The following NCKAP5 variants were observed in gnomAD, a reference collection of about 807,000 sequenced individuals.
NCKAP5 encodes NCK associated protein 5, also known as nck-associated protein 5.
Under a neutral mutation model 167.0 loss-of-function variants are expected in NCKAP5, and 92 were observed. The ratio of observed to expected loss-of-function variants is 0.55; its 90% confidence interval spans 0.47 to 0.66. The LOEUF (loss-of-function observed/expected upper bound fraction) is 0.66. NCKAP5 is among the 30% of genes least tolerant of loss of function. The pLI is 0.00. For synonymous variants in NCKAP5, 891 were observed against 877.4 expected, an observed-to-expected ratio of 1.02 and a Z score of -0.27; for missense variants, 2,378 against 2,315.0, an observed-to-expected ratio of 1.03 and a Z score of -0.56.
At chr2:133,583,006 C>T in the NCKAP5 span, among the ~76,000 whole-genome samples, 1 of 152,152 alleles carries the variant, frequency 6.6e-6, no homozygotes, top group Non-Finnish European at 1.5e-5. Flanking sequence ...TTATTCAATT[C>T]TAACAGGAGT....
chr2:133,614,109 C>T, the NCKAP5 span, among the ~76,000 whole-genome samples: 7 of 152,116 alleles, frequency 4.6e-5, no homozygotes, highest in Non-Finnish European at 4.4e-5. Context: ...CTAGAGAATC[C>T]GCAGAGCCTT....
chr2:133,407,468 T>C (rs1688507338), intron 3 of NCKAP5, among the ~76,000 whole-genome samples: 1 of 152,116 alleles, frequency 6.6e-6, no homozygotes, highest in Non-Finnish European at 1.5e-5. Flanking sequence ...GGAAGAAGTG[T>C]GACAGGAGGA....
chr2:132,712,484 T>C (rs2105329514), intron 19 of NCKAP5, among the ~76,000 whole-genome samples: 1 of 152,144 alleles, frequency 6.6e-6, no homozygotes, highest in South Asian at 2.1e-4. Flanking sequence ...ACCCCGTCTT[T>C]ACTAAAAATA....
intron 7 of NCKAP5, among the ~76,000 whole-genome samples, chr2:132,966,393 C>T (rs1001989329): frequency 6.6e-6 from 1 of 152,208 alleles, no homozygotes; most frequent in East Asian, 1.9e-4. Context: ...AGCCACCACA[C>T]CTAGCCTTGG....
chr2:133,342,639 C>G (rs573033545), intron 3 of NCKAP5, among the ~76,000 whole-genome samples: 25 of 152,234 alleles, frequency 1.6e-4, no homozygotes, highest in African/African-American at 5.3e-4. Context: ...AACAATACCC[C>G]CTCCAGCCAC....
At chr2:133,579,066 T>C in the NCKAP5 span, among the ~76,000 whole-genome samples, 1 of 152,206 alleles carries the variant, frequency 6.6e-6, no homozygotes, top group Non-Finnish European at 1.5e-5. Context: ...AACATTTGGA[T>C]AGCACTTAGG....
At chr2:133,624,742 A>T in the NCKAP5 span, among the ~76,000 whole-genome samples, 1 of 152,238 alleles carries the variant, frequency 6.6e-6, no homozygotes, top group African/African-American at 2.4e-5. Context: ...TCCTGCCCTA[A>T]CAGCCGCTTT....
chr2:133,054,936 C>G (rs1244020853), intron 6 of NCKAP5, among the ~76,000 whole-genome samples: 1 of 152,190 alleles, frequency 6.6e-6, no homozygotes, highest in African/African-American at 2.4e-5. Flanking sequence ...GGCTACAAAA[C>G]AGCCTAGCAA....
intron 5 of NCKAP5, among the ~76,000 whole-genome samples, chr2:133,200,061 CTTTTT>C (rs70973417): frequency 9.1e-6 from 1 of 109,396 alleles, no homozygotes; most frequent in Non-Finnish European, 1.8e-5. Flanking sequence ...TTTTTTCTTT[CTTTTT>C]TTTTTTTTTT....
chr2:132,892,997 G>GA (rs76025687), intron 8 of NCKAP5, among the ~76,000 whole-genome samples: 2,218 of 107,598 alleles, frequency 0.021, 38 homozygotes, highest in African/African-American at 0.044. Context: ...TAAAAAAGCT[G>GA]AAAAAAAAAA....
chr2:133,189,519 G>T (rs1229533912), intron 5 of NCKAP5, among the ~76,000 whole-genome samples: 1 of 152,048 alleles, frequency 6.6e-6, no homozygotes, highest in Non-Finnish European at 1.5e-5. Flanking sequence ...GATGAACATC[G>T]ATTCAAAAAT....
chr2:132,679,246 C>T (rs886180233), intron 19 of NCKAP5, among the ~76,000 whole-genome samples: 5 of 152,118 alleles, frequency 3.3e-5, no homozygotes, highest in African/African-American at 9.7e-5. Context: ...AAAACTACAG[C>T]ATGAAGGAAC....
the NCKAP5 span, among the ~76,000 whole-genome samples, chr2:133,611,994 T>A: frequency 1.3e-5 from 2 of 152,336 alleles, no homozygotes; most frequent in Admixed American, 6.5e-5. Flanking sequence ...CATTTCAACA[T>A]AATTCTATGG....
chr2:133,504,767 T>C (rs1281812932), intron 3 of NCKAP5, among the ~76,000 whole-genome samples: 1 of 152,224 alleles, frequency 6.6e-6, no homozygotes, highest in Non-Finnish European at 1.5e-5. Flanking sequence ...GGTGCATTCC[T>C]GGGGCCTGGC....
At chr2:133,575,237 C>A in the NCKAP5 span, among the ~76,000 whole-genome samples, 2 of 152,236 alleles carry the variant, frequency 1.3e-5, no homozygotes, top group African/African-American at 4.8e-5. Context: ...GTTGTCACTG[C>A]TGGCTTAAAC....
chr2:133,634,111 A>C, the NCKAP5 span, among the ~76,000 whole-genome samples: 1 of 152,206 alleles, frequency 6.6e-6, no homozygotes, highest in Non-Finnish European at 1.5e-5. Flanking sequence ...TACTCACTGA[A>C]TATTTCATAC....
intron 19 of NCKAP5, among the ~76,000 whole-genome samples, chr2:132,715,053 C>T (rs900090161): frequency 1.3e-5 from 2 of 152,088 alleles, no homozygotes; most frequent in Admixed American, 6.6e-5. Flanking sequence ...CTCTAGGTTT[C>T]TGATTAGTTA....
At chr2:132,790,638 T>C (rs750760027) in intron 12 of NCKAP5, among the ~76,000 whole-genome samples, 3 of 152,144 alleles carry the variant, frequency 2.0e-5, no homozygotes, top group Non-Finnish European at 4.4e-5. Flanking sequence ...CTGTATGGTA[T>C]GGTATGATAA....
intron 5 of NCKAP5, among the ~76,000 whole-genome samples, chr2:133,136,592 G>A (rs889574439): frequency 2.6e-5 from 4 of 152,274 alleles, no homozygotes; most frequent in Admixed American, 2.0e-4. Flanking sequence ...AAGATTTCCT[G>A]AAATGTGTCC....
Sources: gnomAD v4.1 joint callset for allele counts (sites outside exome capture counted in the v4.1 genomes callset) on GRCh38, gnomAD v4.1.1 for gene constraint, MANE v1.5 for transcripts, NCBI Gene and HGNC (gene_info 2026-07-23, HGNC 2026-07-21) for gene names.